Variants in EFCAB13 observed in about 807,000 individuals in gnomAD.
EFCAB13 encodes EF-hand calcium-binding domain-containing protein 13.
Under a neutral mutation model 110.2 loss-of-function variants are expected in EFCAB13, and 91 were observed. That is an observed-to-expected ratio of 0.83 (90% CI 0.70 to 0.98). The LOEUF (loss-of-function observed/expected upper bound fraction) is 0.98. EFCAB13 is among the 50% of genes least tolerant of loss of function. The pLI is 0.00. For missense variants in EFCAB13, 968 were observed against 1,119.4 expected, an observed-to-expected ratio of 0.86 and a Z score of 1.93; for synonymous variants, 323 against 369.9, an observed-to-expected ratio of 0.87 and a Z score of 1.45.
In EFCAB13 at chr17:47,375,295, ATT is replaced by A. The variant is rs1254631478; in HGVS notation, c.1372+334_1372+335del. On this transcript the variant is annotated intron_variant, in intron 12 of 24. Coordinates refer to ENST00000331493, the MANE Select transcript of EFCAB13 (RefSeq NM_152347.5). Reference sequence around the variant, plus strand: ...ATTAATGCCACTGAATAGTATGTCTATTTTTTATTTTTTGAGTCAGAATCTCA... The same window carrying A: ...ATTAATGCCACTGAATAGTATGTCTATTTTATTTTTTGAGTCAGAATCTCA... Among the ~76,000 whole-genome samples the A allele has an allele frequency of 3.3e-5, 5 of 151,908 alleles. No individual in the cohort carries two copies. In the South Asian group the frequency reaches 1.0e-3, roughly 32 times the overall value.
At position 47,344,275 on chromosome 17, in the gene EFCAB13, A is replaced by C. The variant is rs1282199963; in HGVS notation, c.417A>C (p.Thr139=). The change falls in exon 7 of 25, where the codon ACA becomes ACC. Residue 139 remains threonine, a synonymous_variant. Transcript: ENST00000331493. ...ACAAGACTTCATCACCTCTTTGTACATCTTCTGCAATTACTCGGTATTTAA... is the reference window on the plus strand; with the variant it reads ...ACAAGACTTCATCACCTCTTTGTACCTCTTCTGCAATTACTCGGTATTTAA... ...SVHKTSSPLC[T]SSAITREKEM... is the part of the protein sequence containing the mutation. The C allele has an allele frequency of 1.2e-6, 2 of 1,611,950 alleles. No individual in the cohort carries two copies. The highest frequency in any genetic ancestry group is 2.2e-5 in the East Asian group (1 of 44,788).
At chr17:47,341,878 TA>T in intron 5 of EFCAB13, 42 bp from the exon 6 acceptor site, 1 of 1,159,200 alleles carries the variant, frequency 8.6e-7, no homozygotes, top group Non-Finnish European at 1.3e-6. Context: ...AAAGAATAAG[TA>T]AAAAGAAATT....
At chr17:47,328,758 G>A (rs1231326556) in intron 4 of EFCAB13, 2 of 170,270 alleles carry the variant, frequency 1.2e-5, no homozygotes, top group African/African-American at 4.7e-5. Context: ...CCTCTTATCT[G>A]TACTTCAGAG....
chr17:47,377,910 G>C lies in EFCAB13; in HGVS notation c.1510+7G>C, dbSNP rs761428649. 6.4e-7 allele frequency: 1 copy of C among 1,573,070 alleles called. No homozygotes were observed. The highest frequency in any genetic ancestry group is 1.2e-5 in the South Asian group (1 of 82,450). On this transcript the variant is annotated splice_region_variant and intron_variant, in intron 13 of 24. Coordinates refer to ENST00000331493, the MANE Select transcript of EFCAB13 (RefSeq NM_152347.5). ...ACAGACACTAGTAGAAATGGTGAGAGACTGATAACACTGAAGTTTCTGAGA... is the reference window on the plus strand; with the variant it reads ...ACAGACACTAGTAGAAATGGTGAGACACTGATAACACTGAAGTTTCTGAGA...
At chr17:47,402,655 A>G (rs776103762) in intron 18 of EFCAB13, among the ~76,000 whole-genome samples, 1 of 152,214 alleles carries the variant, frequency 6.6e-6, no homozygotes, top group Admixed American at 6.5e-5. Context: ...GGCCTTTTGA[A>G]GTTAAGAGGT....
chr17:47,432,595 A>T (rs1326265526), intron 24 of EFCAB13, among the ~76,000 whole-genome samples: 1 of 152,136 alleles, frequency 6.6e-6, no homozygotes. Context: ...GTCTCAAAAA[A>T]ACAGATAAAT....
At chr17:47,340,476 G>A (rs1411843802) in intron 5 of EFCAB13, among the ~76,000 whole-genome samples, 1 of 152,064 alleles carries the variant, frequency 6.6e-6, no homozygotes, top group East Asian at 1.9e-4. Context: ...CTGTACTCCA[G>A]TCTGGGCAAC....
At position 47,440,660 on chromosome 17, in the gene EFCAB13, C is replaced by G; in HGVS notation, c.2868C>G (p.Phe956Leu). 6.2e-7 allele frequency: 1 copy of G among 1,603,400 alleles called. No individual in the cohort carries two copies. The highest frequency in any genetic ancestry group is 8.5e-7 in the Non-Finnish European group (1 of 1,176,906). ...IKQHKISLHN[F>L]CLNSKANIAK... ...AACACAAGATTAGTTTACATAACTT[C>G]TGTTTGAATTCTAAGGCAAATATTG... is the stretch of plus-strand genomic sequence containing the variant. Residue 956 changes from phenylalanine to leucine, a missense_variant, in exon 25 of 25, where the codon TTC (phenylalanine) becomes TTG (leucine). Coordinates refer to ENST00000331493, the MANE Select transcript of EFCAB13 (RefSeq NM_152347.5).
chr17:47,420,622 G>A (rs1434386794), intron 23 of EFCAB13, among the ~76,000 whole-genome samples: 21 of 152,058 alleles, frequency 1.4e-4, no homozygotes, highest in African/African-American at 4.8e-4. Flanking sequence ...TGTGAGGAGC[G>A]CCTCTACCCG....
At chr17:47,421,437 C>CAG (rs1567805950) in intron 23 of EFCAB13, among the ~76,000 whole-genome samples, 1 of 151,756 alleles carries the variant, frequency 6.6e-6, no homozygotes, top group Non-Finnish European at 1.5e-5. Flanking sequence ...CAGCATGCTC[C>CAG]TTAAGAGTCA....
chr17:47,362,080 C>T (rs1409891510), intron 10 of EFCAB13, among the ~76,000 whole-genome samples: 1 of 151,924 alleles, frequency 6.6e-6, no homozygotes, highest in African/African-American at 2.4e-5. Flanking sequence ...GGCGGCAAGC[C>T]AACCAGGTGC....
At chr17:47,338,022 G>C (rs186780536) in intron 5 of EFCAB13, among the ~76,000 whole-genome samples, 1 of 152,010 alleles carries the variant, frequency 6.6e-6, no homozygotes. Context: ...ATTTAAAGAG[G>C]TCTTGCATTC....
At chr17:47,400,130 C>T (rs1346469143) in intron 17 of EFCAB13, among the ~76,000 whole-genome samples, 1 of 152,208 alleles carries the variant, frequency 6.6e-6, no homozygotes, top group Non-Finnish European at 1.5e-5. Context: ...ACTCTGATAT[C>T]TGATGTGTTT....
chr17:47,427,639 G>A (rs544355868), intron 23 of EFCAB13, among the ~76,000 whole-genome samples: 1 of 152,146 alleles, frequency 6.6e-6, no homozygotes, highest in East Asian at 1.9e-4. Flanking sequence ...ACTCAAGTGT[G>A]TGAAAATGTA....
intron 5 of EFCAB13, among the ~76,000 whole-genome samples, chr17:47,335,771 A>G (rs1447330593): frequency 6.6e-6 from 1 of 152,198 alleles, no homozygotes. Context: ...GAGAGTGAAG[A>G]GGGAAGTGCC....
chr17:47,391,585 G>T lies in EFCAB13; in HGVS notation c.1726+5G>T. ...CAGAACTGACTGAAGCTGGTGGTGAGTGATATATTTTCAGGCAAACTGCAT... is the reference window on the plus strand; with the variant it reads ...CAGAACTGACTGAAGCTGGTGGTGATTGATATATTTTCAGGCAAACTGCAT... On this transcript the variant is annotated splice_donor_5th_base_variant and intron_variant, in intron 15 of 24. Transcript: ENST00000331493. 6.4e-7 allele frequency: 1 copy of T among 1,558,078 alleles called. No homozygotes were observed. Among genetic ancestry groups the T allele is most frequent in the Non-Finnish European group, 8.6e-7 (1 of 1,159,086 alleles).
At chr17:47,415,067 A>G (rs1598758666) in intron 23 of EFCAB13, 148 bp downstream of exon 23, 1 of 514,356 alleles carries the variant, frequency 1.9e-6, no homozygotes, top group East Asian at 3.8e-5. Flanking sequence ...ATAAAAAATG[A>G]TGAGTTCATG....
rs1364259107 is a variant in EFCAB13, at chr17:47,427,969, GGT to G, written c.2495-1842_2495-1841del. Among the ~76,000 whole-genome samples the G allele has an allele frequency of 2.6e-5, 4 of 151,970 alleles. 1 individual carries two copies. The highest frequency in any genetic ancestry group is 9.6e-5 in the African/African-American group (4 of 41,502). The stretch of plus-strand genomic sequence containing the variant: ...CTTTAAAAAAGGGTTGCAAATTGGT[GGT>G]GTGTGTATATGAAAAACAACATTGT... On this transcript the variant is annotated intron_variant, in intron 23 of 24. Coordinates refer to ENST00000331493, the MANE Select transcript of EFCAB13 (RefSeq NM_152347.5).
At chr17:47,393,871 C>G (rs1030203651) in intron 15 of EFCAB13, among the ~76,000 whole-genome samples, 154 bp from the exon 16 acceptor site, 2 of 151,422 alleles carry the variant, frequency 1.3e-5, no homozygotes, top group African/African-American at 4.8e-5. Context: ...AATTGATTTG[C>G]TTTTCCCCTT....
Sources: allele counts gnomAD v4.1 joint callset (sites outside exome capture counted in the v4.1 genomes callset), GRCh38; gene constraint gnomAD v4.1.1; transcripts MANE v1.5; gene names NCBI Gene and HGNC (gene_info 2026-07-23, HGNC 2026-07-21).